The following IP6K2 variants were observed in gnomAD, a reference collection of about 807,000 sequenced individuals.
IP6K2 encodes ATP:1D-myo-inositol-hexakisphosphate phosphotransferase.
Under a neutral mutation model 43.3 loss-of-function variants are expected in IP6K2, and 9 were observed. The observed-to-expected ratio is 0.21, with a 90% CI of 0.13 to 0.36. The LOEUF (loss-of-function observed/expected upper bound fraction) is 0.36. Ranked by LOEUF, IP6K2 falls within the 10% of genes least tolerant of loss-of-function variation. The pLI is 1.00. For synonymous variants in IP6K2, 209 were observed against 202.4 expected, an observed-to-expected ratio of 1.03 and a Z score of -0.28; for missense variants, 332 against 538.4, an observed-to-expected ratio of 0.62 and a Z score of 3.79.
At chr3:48,692,902 C>T (rs1245333630) in intron 3 of IP6K2, 52 bp downstream of exon 3, 4 of 1,393,196 alleles carry the variant, frequency 2.9e-6, no homozygotes, top group Admixed American at 3.6e-5. Flanking sequence ...AACCAAAACC[C>T]CCAACACTTC....
chr3:48,714,227 C>G (rs966664837), intron 1 of IP6K2, among the ~76,000 whole-genome samples: 9 of 152,168 alleles, frequency 5.9e-5, no homozygotes, highest in African/African-American at 2.2e-4. Flanking sequence ...CCACCACACC[C>G]AGCTAATTTT....
intron 1 of IP6K2, among the ~76,000 whole-genome samples, chr3:48,716,004 C>G (rs1353239002): frequency 6.6e-6 from 1 of 151,810 alleles, no homozygotes; most frequent in Non-Finnish European, 1.5e-5. Context: ...TTGGCCCTTT[C>G]TAACTCTGAT....
chr3:48,713,394 T>A (rs556384885), intron 1 of IP6K2, among the ~76,000 whole-genome samples: 1 of 152,294 alleles, frequency 6.6e-6, no homozygotes, highest in East Asian at 1.9e-4. Flanking sequence ...CTGGGGAACT[T>A]GGGCCACAGC....
chr3:48,689,785 T>G, intron 4 of IP6K2, 72 bp from the exon 5 acceptor site: 2 of 1,351,436 alleles, frequency 1.5e-6, no homozygotes, highest in Non-Finnish European at 2.1e-6. Flanking sequence ...CAAGGTACAG[T>G]GCCTTGATGC....
At chr3:48,693,588 G>A in intron 2 of IP6K2, 8 of 1,174,854 alleles carry the variant, frequency 6.8e-6, no homozygotes, top group Non-Finnish European at 8.5e-6. Context: ...TTGCTTTAAA[G>A]CAGAGCCTGA....
In IP6K2 at chr3:48,688,857, G is replaced by C; in HGVS notation, c.781-84C>G. On this transcript the variant is annotated intron_variant, in intron 5 of 5. Transcript: ENST00000328631. This position sits in a 1 kb window ranked among gnomAD's most constrained non-coding sequence, Gnocchi z 5.1. ...GGCGGGGGTGGGGTGGTGTGGTGGTGGCGGCATGTGACAGCCCAGATCAGA... is the reference window on the plus strand; with the variant it reads ...GGCGGGGGTGGGGTGGTGTGGTGGTCGCGGCATGTGACAGCCCAGATCAGA... 1 of 1,438,568 alleles carries C rather than the reference G, an allele frequency of 7.0e-7. No homozygotes were observed. The highest frequency in any genetic ancestry group is 9.4e-7 in the Non-Finnish European group (1 of 1,065,278). 89.1% of individuals were successfully genotyped at this position (1,438,568 alleles called of 1,614,324 possible). A position where few individuals can be genotyped will look rare whatever the true frequency, so the allele number is the denominator to read the frequency against.
Position 48,697,286 on chromosome 3 carries a change from C to T in IP6K2, c.-130-1865G>A, listed in dbSNP as rs550187663. Among the ~76,000 whole-genome samples the T allele has an allele frequency of 7.2e-5, 11 of 151,846 alleles. 1 individual carries two copies. In the South Asian group the frequency reaches 2.3e-3, roughly 32 times the overall value. On this transcript the variant is annotated intron_variant, in intron 1 of 5. Coordinates refer to ENST00000328631, the MANE Select transcript of IP6K2 (RefSeq NM_016291.4). ...CCGCCCACCTCAGCATCCCAAAGTG[C>T]TGGATTACAGGCGTGAGCCACCGCG...
At chr3:48,711,621 C>T (rs2080524525) in intron 1 of IP6K2, among the ~76,000 whole-genome samples, 1 of 152,204 alleles carries the variant, frequency 6.6e-6, no homozygotes, top group Admixed American at 6.5e-5. Context: ...ACACCTTTTA[C>T]TGCCTTACAG....
chr3:48,707,992 A>C (rs1207251603), intron 1 of IP6K2: 1 of 152,198 alleles, frequency 6.6e-6, no homozygotes, highest in African/African-American at 2.4e-5. Flanking sequence ...TCCAAGGTAA[A>C]GGGAACAGGA....
intron 2 of IP6K2, chr3:48,693,987 TTACAAAC>T: frequency 2.2e-6 from 3 of 1,374,844 alleles, no homozygotes; most frequent in Admixed American, 3.6e-5. Context: ...GACGAGCGCC[TTACAAAC>T]GACTGGCTGA....
chr3:48,691,755 C>T (rs2077806180), intron 3 of IP6K2, among the ~76,000 whole-genome samples: 3 of 151,906 alleles, frequency 2.0e-5, no homozygotes, highest in South Asian at 4.1e-4. Flanking sequence ...CCTAGAAGAT[C>T]GTGCCACTGC....
At chr3:48,696,803 A>T (rs1268479725) in intron 1 of IP6K2, among the ~76,000 whole-genome samples, 1 of 152,130 alleles carries the variant, frequency 6.6e-6, no homozygotes, top group Non-Finnish European at 1.5e-5. Context: ...GAAAGCACCT[A>T]TTATGTATCA....
At chr3:48,700,446 C>T (rs1045227658) in intron 1 of IP6K2, among the ~76,000 whole-genome samples, 1 of 151,890 alleles carries the variant, frequency 6.6e-6, no homozygotes, top group African/African-American at 2.4e-5. Context: ...GGGCCCAGTA[C>T]CTAGAAAGAC....
rs755526077 is a variant in IP6K2 at position 48,694,172 on chromosome 3, A to T, written c.202+918T>A. On this transcript the variant is annotated intron_variant, in intron 2 of 5. Coordinates refer to ENST00000328631, the MANE Select transcript of IP6K2 (RefSeq NM_016291.4). ...ATTCAGGCCACACTTCCCTGTGGCC[A>T]CAGGGGAAAGGACCAGGGGAAAAAA... is the stretch of plus-strand genomic sequence containing the variant. 1.5e-5 allele frequency: 23 copies of T among 1,550,104 alleles called. No individual in the cohort carries two copies. In the South Asian group the frequency reaches 2.4e-4, roughly 16 times the overall value.
chr3:48,701,140 C>T (rs1314329068), intron 1 of IP6K2, among the ~76,000 whole-genome samples: 3 of 152,060 alleles, frequency 2.0e-5, no homozygotes, highest in Non-Finnish European at 2.9e-5. Flanking sequence ...GAGGCCGAGG[C>T]GGGTGGATTA....
At chr3:48,704,898 G>A (rs1400754545) in intron 1 of IP6K2, among the ~76,000 whole-genome samples, 2 of 151,666 alleles carry the variant, frequency 1.3e-5, no homozygotes, top group African/African-American at 4.8e-5. Flanking sequence ...TCAGCCTCCC[G>A]AGTAGCTGAG....
At chr3:48,705,255 G>A (rs1371830962) in intron 1 of IP6K2, among the ~76,000 whole-genome samples, 1 of 151,634 alleles carries the variant, frequency 6.6e-6, no homozygotes, top group Non-Finnish European at 1.5e-5. Context: ...ACTGGGTTCA[G>A]TGTGTTGGTC....
chr3:48,715,371 G>C, intron 1 of IP6K2: 2 of 1,536,182 alleles, frequency 1.3e-6, no homozygotes, highest in Non-Finnish European at 1.7e-6. Flanking sequence ...AGATACCAGT[G>C]ACATCTCAGG....
At chr3:48,691,728 G>A (rs1230827595) in intron 3 of IP6K2, among the ~76,000 whole-genome samples, 1 of 152,110 alleles carries the variant, frequency 6.6e-6, no homozygotes, top group Non-Finnish European at 1.5e-5. Context: ...AACCTGGGAG[G>A]CAGAGGTTGC....
Sources: gnomAD v4.1 joint callset for allele counts (sites outside exome capture counted in the v4.1 genomes callset) on GRCh38, gnomAD v4.1.1 for gene constraint, Gnocchi (gnomAD v3.1) non-coding constraint, MANE v1.5 for transcripts, NCBI Gene and HGNC (gene_info 2026-07-23, HGNC 2026-07-21) for gene names.